The following RHEX variants were observed in gnomAD, a reference collection of about 807,000 sequenced individuals.
RHEX encodes regulator of hemoglobinization and erythroid cell expansion, also known as regulator of hemoglobinization and erythroid cell expansion protein.
RHEX carries 18 observed loss-of-function variants against 20.1 expected under a neutral mutation model. That is an observed-to-expected ratio of 0.90 (90% CI 0.62 to 1.33). RHEX has a LOEUF of 1.33. Among genes scored for constraint, RHEX ranks in the 40% most tolerant of loss-of-function variants. RHEX has a pLI of 0.00. For synonymous variants in RHEX, 87 were observed against 77.1 expected (o/e 1.13, Z -0.67); for missense variants, 192 against 214.3 (o/e 0.90, Z 0.65).
intron 1 of RHEX, among the ~76,000 whole-genome samples, chr1:206,095,089 A>G (rs941166403): frequency 1.3e-5 from 2 of 152,118 alleles, no homozygotes; most frequent in Admixed American, 1.3e-4. Context: ...GTTTTAGACA[A>G]TAAGGACTTG....
intron 1 of RHEX, among the ~76,000 whole-genome samples, chr1:206,091,595 A>G (rs1342800047): frequency 6.6e-6 from 1 of 152,220 alleles, no homozygotes; most frequent in Non-Finnish European, 1.5e-5. Context: ...TATATAAAAG[A>G]CAGCTTCCTG....
At chr1:206,096,735 T>C (rs1663075466) in intron 1 of RHEX, among the ~76,000 whole-genome samples, 1 of 152,008 alleles carries the variant, frequency 6.6e-6, no homozygotes, top group Admixed American at 6.6e-5. Context: ...CTCTACACTT[T>C]TTATTTTTTA....
At chr1:206,092,490 T>G (rs1178572651) in intron 1 of RHEX, among the ~76,000 whole-genome samples, 1 of 152,170 alleles carries the variant, frequency 6.6e-6, no homozygotes, top group East Asian at 1.9e-4. Flanking sequence ...TGACTCCAGG[T>G]TCTTTGTCTT....
Position 206,102,310 on chromosome 1 carries a change from A to G in RHEX, c.*358A>G. 1 of 225,824 alleles carries G rather than the reference A, an allele frequency of 4.4e-6. No homozygotes were observed. Among genetic ancestry groups the G allele is most frequent in the Admixed American group, 5.1e-5 (1 of 19,626 alleles). 14.0% of individuals were successfully genotyped at this position (225,824 alleles called of 1,614,324 possible). Reference sequence around the variant, plus strand: ...ATAGTAGTGAAGTCTCTCCCCAGGGAAAATTTTAAAAAGGTTGAATCAGCT... The same window carrying G: ...ATAGTAGTGAAGTCTCTCCCCAGGGGAAATTTTAAAAAGGTTGAATCAGCT... On this transcript the variant is annotated 3_prime_UTR_variant, in exon 6 of 6. Transcript: ENST00000331555.
intron 1 of RHEX, among the ~76,000 whole-genome samples, chr1:206,063,844 T>C (rs1332208637): frequency 8.0e-5 from 10 of 124,388 alleles, no homozygotes; most frequent in East Asian, 2.6e-4. Flanking sequence ...CGTCTCTGCC[T>C]GGCCGCCCAT....
At chr1:206,087,146 T>C (rs1662855920) in intron 1 of RHEX, among the ~76,000 whole-genome samples, 1 of 152,252 alleles carries the variant, frequency 6.6e-6, no homozygotes, top group African/African-American at 2.4e-5. Context: ...ACTGAGTCTC[T>C]ACACCTGACC....
intron 1 of RHEX, among the ~76,000 whole-genome samples, chr1:206,063,681 G>C (rs71418224): frequency 2.0e-5 from 3 of 152,268 alleles, no homozygotes; most frequent in Non-Finnish European, 4.4e-5. Flanking sequence ...GACGGAGTCT[G>C]GTTCACTCAG....
intron 1 of RHEX, among the ~76,000 whole-genome samples, chr1:206,066,860 G>C (rs1662432927): frequency 6.6e-6 from 1 of 152,196 alleles, no homozygotes; most frequent in Non-Finnish European, 1.5e-5. Context: ...TTAAAATGCA[G>C]TAAATTTAGG....
chr1:206,077,115 G>T (rs1226317449), intron 1 of RHEX, among the ~76,000 whole-genome samples: 1 of 152,126 alleles, frequency 6.6e-6, no homozygotes, highest in Non-Finnish European at 1.5e-5. Context: ...CCGATGATGA[G>T]AAGAGGTTGT....
intron 1 of RHEX, among the ~76,000 whole-genome samples, chr1:206,075,338 A>G (rs1303568222): frequency 1.3e-5 from 2 of 152,246 alleles, no homozygotes; most frequent in African/African-American, 4.8e-5. Context: ...GACCTCAATC[A>G]TGTATGAAAA....
intron 1 of RHEX, among the ~76,000 whole-genome samples, chr1:206,076,617 G>T (rs531244900): frequency 3.9e-5 from 6 of 152,344 alleles, no homozygotes; most frequent in Admixed American, 1.3e-4. Context: ...CATCAAAAAT[G>T]TTTATGCCAT....
At chr1:206,057,754 G>A (rs968690514) in intron 1 of RHEX, among the ~76,000 whole-genome samples, 1 of 152,262 alleles carries the variant, frequency 6.6e-6, no homozygotes, top group African/African-American at 2.4e-5. Context: ...CATAGCCATA[G>A]GTGATTGGAA....
Position 206,078,329 on chromosome 1 carries a change from C to T in RHEX, c.-96-19404C>T, listed in dbSNP as rs561843641. 6.6e-5 allele frequency among the ~76,000 whole-genome samples: 10 copies of T among 152,212 alleles called. No homozygotes were observed. In the South Asian group the frequency reaches 1.7e-3, roughly 25 times the overall value. On this transcript the variant is annotated intron_variant, in intron 1 of 5. Coordinates refer to ENST00000331555, the MANE Select transcript of RHEX (RefSeq NM_001007544.4). Reference sequence around the variant, plus strand: ...CCGAGGCAGGAGGATCCCTTGAGCCCAGGACTTTGAGACCAGCTTAGGCAA... The same window carrying T: ...CCGAGGCAGGAGGATCCCTTGAGCCTAGGACTTTGAGACCAGCTTAGGCAA...
At position 206,064,802 on chromosome 1, in the gene RHEX, C is replaced by G. The variant is rs566167977; in HGVS notation, c.-97+11537C>G. 1.2e-4 allele frequency among the ~76,000 whole-genome samples: 18 copies of G among 152,196 alleles called. No individual in the cohort carries two copies. In the South Asian group the frequency reaches 3.5e-3, roughly 30 times the overall value. ...GCCCAGCAGCTCATTGAGAACGGGC[C>G]AGGATGACAATGGCGGCTTTGTGGA... On this transcript the variant is annotated intron_variant, in intron 1 of 5. Coordinates refer to ENST00000331555, the MANE Select transcript of RHEX (RefSeq NM_001007544.4).
intron 1 of RHEX, among the ~76,000 whole-genome samples, chr1:206,085,301 G>A (rs1162051702): frequency 6.6e-6 from 1 of 152,162 alleles, no homozygotes; most frequent in East Asian, 1.9e-4. Context: ...ATGAATTGCG[G>A]AGTGTAATAT....
At position 206,096,775 on chromosome 1, in the gene RHEX, T is replaced by TTG. The variant is rs1553287731; in HGVS notation, c.-96-957_-96-956insGT. On this transcript the variant is annotated intron_variant, in intron 1 of 5. Transcript: ENST00000331555. ...GTGCACAAGTCCCCTGTTTTTTTTT[T>TTG]TTTTGGTTTTTTTTTTTGAGACAGG... is the stretch of plus-strand genomic sequence containing the variant. Among the ~76,000 whole-genome samples the TTG allele has an allele frequency of 1.3e-3, 192 of 143,222 alleles. 3 individuals carry two copies. In the South Asian group the frequency reaches 0.022, roughly 16 times the overall value. 94.0% of individuals were successfully genotyped at this position (143,222 alleles called of 152,430 possible).
At chr1:206,065,592 C>A (rs1662406733) in intron 1 of RHEX, among the ~76,000 whole-genome samples, 1 of 152,208 alleles carries the variant, frequency 6.6e-6, no homozygotes, top group Non-Finnish European at 1.5e-5. Context: ...GCAACCCCAC[C>A]TCTTCTTTCA....
In RHEX at chr1:206,067,950, C is replaced by T. The variant is rs554048230; in HGVS notation, c.-97+14685C>T. 6.6e-6 allele frequency among the ~76,000 whole-genome samples: 1 copy of T among 152,258 alleles called. No homozygotes were observed. The highest frequency in any genetic ancestry group is 2.1e-4 in the South Asian group (1 of 4,814). On this transcript the variant is annotated intron_variant, in intron 1 of 5. Transcript: ENST00000331555. The surrounding 1 kb of genome is among the most constrained non-coding windows in gnomAD (Gnocchi z 4.6). ...CTAAGGAGGGTGGAATGGTTCACAT[C>T]GATAAGAAAATACGTACTCCATGGC...
chr1:206,091,130 T>C (rs765261840), intron 1 of RHEX, among the ~76,000 whole-genome samples: 2 of 152,226 alleles, frequency 1.3e-5, no homozygotes, highest in Non-Finnish European at 2.9e-5. Context: ...AGGTAGCCTT[T>C]CTGTGTCTTA....
Sources: allele counts gnomAD v4.1 joint callset (sites outside exome capture counted in the v4.1 genomes callset), GRCh38; gene constraint gnomAD v4.1.1; non-coding constraint Gnocchi (gnomAD v3.1); transcripts MANE v1.5; gene names NCBI Gene and HGNC (gene_info 2026-07-23, HGNC 2026-07-21).